The following MAGI1 variants were observed in gnomAD, a reference collection of about 807,000 sequenced individuals.
MAGI1 encodes membrane associated guanylate kinase, WW and PDZ domain containing 1, also known as membrane-associated guanylate kinase, WW and PDZ domain-containing protein 1.
Under a neutral mutation model 139.9 loss-of-function variants are expected in MAGI1, and 58 were observed. The observed-to-expected ratio is 0.41, with a 90% CI of 0.34 to 0.52. The LOEUF (loss-of-function observed/expected upper bound fraction) is 0.52. MAGI1 is among the 20% of genes least tolerant of loss of function. The pLI, the probability that MAGI1 is intolerant of heterozygous loss-of-function variation, is 0.12. For synonymous variants in MAGI1, 812 were observed against 737.9 expected (o/e 1.10, Z -1.63); for missense variants, 1,874 against 1,901.6 (o/e 0.99, Z 0.27).
At chr3:65,950,460 CAG>C (rs2063783105) in intron 1 of MAGI1, among the ~76,000 whole-genome samples, 1 of 152,058 alleles carries the variant, frequency 6.6e-6, no homozygotes, top group Non-Finnish European at 1.5e-5. Flanking sequence ...GAAGGATCCT[CAG>C]AGAAAGTATG....
chr3:65,904,522 C>T (rs2061361036), intron 1 of MAGI1, among the ~76,000 whole-genome samples: 1 of 152,172 alleles, frequency 6.6e-6, no homozygotes, highest in African/African-American at 2.4e-5. Context: ...AACCCAGCTC[C>T]CACTGTTCTA....
At chr3:65,499,497 A>C (rs2077001124) in intron 2 of MAGI1, among the ~76,000 whole-genome samples, 1 of 152,136 alleles carries the variant, frequency 6.6e-6, no homozygotes, top group African/African-American at 2.4e-5. Context: ...AAAATACAAA[A>C]AATTAGCCAG....
intron 1 of MAGI1, among the ~76,000 whole-genome samples, chr3:65,825,510 T>C (rs1575618333): frequency 1.3e-5 from 2 of 152,188 alleles, no homozygotes; most frequent in Admixed American, 6.5e-5. Context: ...AGCTCTTTCT[T>C]CCCTAGAGAG....
chr3:66,017,612 G>A (rs2067723229), intron 1 of MAGI1, among the ~76,000 whole-genome samples: 1 of 152,192 alleles, frequency 6.6e-6, no homozygotes, highest in Non-Finnish European at 1.5e-5. Context: ...TCAGGGTTCT[G>A]ACCGCTAAAC....
intron 1 of MAGI1, among the ~76,000 whole-genome samples, chr3:65,905,863 A>G (rs1393332882): frequency 6.6e-6 from 1 of 152,222 alleles, no homozygotes; most frequent in East Asian, 1.9e-4. Flanking sequence ...GCAGGAATGC[A>G]CCACACAGAT....
intron 1 of MAGI1, among the ~76,000 whole-genome samples, chr3:65,832,161 C>A (rs2042565585): frequency 6.6e-6 from 1 of 152,198 alleles, no homozygotes; most frequent in South Asian, 2.1e-4. Context: ...GCAACAACTG[C>A]ACAGCCATCA....
intron 2 of MAGI1, among the ~76,000 whole-genome samples, chr3:65,593,320 C>T (rs1471285383): frequency 6.6e-6 from 1 of 152,048 alleles, no homozygotes; most frequent in Admixed American, 6.6e-5. Flanking sequence ...TTGTAGATTC[C>T]CACTGATCTA....
intron 1 of MAGI1, among the ~76,000 whole-genome samples, chr3:65,641,896 T>A (rs148553101): frequency 6.6e-6 from 1 of 152,208 alleles, no homozygotes; most frequent in African/African-American, 2.4e-5. Context: ...GTAACTGATA[T>A]GTAGTTTGAA....
chr3:65,471,438 A>G (rs750089296), intron 4 of MAGI1, among the ~76,000 whole-genome samples: 1 of 152,184 alleles, frequency 6.6e-6, no homozygotes, highest in Non-Finnish European at 1.5e-5. Flanking sequence ...GCTGTTTTCA[A>G]AGCTTTCTCT....
chr3:65,930,539 C>A (rs1345580439), intron 1 of MAGI1, among the ~76,000 whole-genome samples: 2 of 152,030 alleles, frequency 1.3e-5, no homozygotes, highest in Non-Finnish European at 2.9e-5. Context: ...TGAACCACAG[C>A]AACTCCATCT....
At position 65,936,948 on chromosome 3, in the gene MAGI1, ATGGTGATGGTGGTGGTGG is replaced by A. The variant is rs1458252162; in HGVS notation, c.313+101030_313+101047del. ...GGTGGTGGTGGTGATGGTGGTGGTG[ATGGTGATGGTGGTGGTGG>A]TGGTGATGGTGGTGGTGGTGGTGAT... On this transcript the variant is annotated intron_variant, in intron 1 of 22. Transcript: ENST00000402939. 1.8e-3 allele frequency among the ~76,000 whole-genome samples: 271 copies of A among 147,678 alleles called. 1 individual carries two copies. The highest frequency in any genetic ancestry group is 6.8e-3 in the Middle Eastern group (2 of 292).
intron 1 of MAGI1, among the ~76,000 whole-genome samples, chr3:65,743,283 A>C (rs1055677215): frequency 6.6e-6 from 1 of 152,242 alleles, no homozygotes; most frequent in Non-Finnish European, 1.5e-5. Flanking sequence ...TATGTGCCTG[A>C]TACTATAAAA....
intron 1 of MAGI1, among the ~76,000 whole-genome samples, chr3:65,814,652 A>C (rs552604490): frequency 2.1e-4 from 32 of 152,334 alleles, no homozygotes; most frequent in African/African-American, 7.7e-4. Context: ...TAACAACCCC[A>C]GCAGACTATC....
intron 1 of MAGI1, among the ~76,000 whole-genome samples, chr3:65,912,903 A>G (rs564993766): frequency 3.4e-4 from 52 of 152,336 alleles, no homozygotes; most frequent in African/African-American, 1.2e-3. Context: ...CACAGCACCT[A>G]TATCAGCAAA....
Position 65,457,177 on chromosome 3 carries a change from C to T in MAGI1, c.960-3837G>A, listed in dbSNP as rs115914573. Among the ~76,000 whole-genome samples the T allele has an allele frequency of 3.7e-3, 558 of 151,860 alleles. 2 individuals carry two copies. The highest frequency in any genetic ancestry group is 0.013 in the African/African-American group (518 of 41,388). On this transcript the variant is annotated intron_variant, in intron 5 of 22. Transcript: ENST00000402939. ...AATTCTGAGTCTTCCTGTATGTCCA[C>T]GAGACATTGTCTCAAAATAAAATAA...
intron 1 of MAGI1, among the ~76,000 whole-genome samples, chr3:66,031,260 C>A (rs2068576357): frequency 6.6e-6 from 1 of 152,164 alleles, no homozygotes; most frequent in East Asian, 1.9e-4. Context: ...TATACAAACT[C>A]AAGGAAAGGG....
intron 1 of MAGI1, among the ~76,000 whole-genome samples, chr3:65,928,285 G>C (rs2062621938): frequency 6.6e-6 from 1 of 152,166 alleles, no homozygotes; most frequent in African/African-American, 2.4e-5. Context: ...TTTATACAAA[G>C]GAAATTGGCA....
At chr3:66,036,876 T>C (rs1024541337) in intron 1 of MAGI1, among the ~76,000 whole-genome samples, 15 of 152,224 alleles carry the variant, frequency 9.9e-5, no homozygotes, top group South Asian at 2.1e-4. Flanking sequence ...CTGGTCTCCA[T>C]TGGGTTGACA....
rs1003754705 is a variant in MAGI1, at chr3:65,478,512, T to C, written c.757+80A>G. On this transcript the variant is annotated intron_variant, in intron 4 of 22. Transcript: ENST00000402939. The stretch of plus-strand genomic sequence containing the variant: ...TACAAAATCCCTCCTGAGAACAGCA[T>C]CCTTTTCAAAACTCTATGCAAAAGC... The C allele has an allele frequency of 2.9e-6, 4 of 1,373,076 alleles. No homozygotes were observed. The African/African-American group carries it at 4.3e-5, about 15-fold the overall frequency. 85.1% of individuals were successfully genotyped at this position (1,373,076 alleles called of 1,614,324 possible). A position where few individuals can be genotyped will look rare whatever the true frequency, so the allele number is the denominator to read the frequency against.
Sources: gnomAD v4.1 joint callset for allele counts (sites outside exome capture counted in the v4.1 genomes callset) on GRCh38, gnomAD v4.1.1 for gene constraint, MANE v1.5 for transcripts, NCBI Gene and HGNC (gene_info 2026-07-23, HGNC 2026-07-21) for gene names.